Variants in DAB1 observed in about 807,000 individuals in gnomAD.
The protein encoded by DAB1 is DAB adaptor protein 1, also known as disabled homolog 1.
In DAB1, 15 loss-of-function variants were observed where a neutral mutation model predicts 64.6. The ratio of observed to expected loss-of-function variants is 0.23; its 90% confidence interval spans 0.16 to 0.36. DAB1 has a LOEUF of 0.36. DAB1 is among the 10% of genes least tolerant of loss of function. The pLI is 1.00. For missense variants in DAB1, 596 were observed against 706.7 expected (o/e 0.84, Z 1.78); for synonymous variants, 235 against 251.9 (o/e 0.93, Z 0.64).
intron 5 of DAB1, chr1:58,049,012 A>G: frequency 2.5e-6 from 2 of 801,220 alleles, no homozygotes; most frequent in Non-Finnish European, 4.4e-6. Flanking sequence ...GTCTTTGGGA[A>G]TCTTCTCTTG....
chr1:58,023,144 C>T (rs901014845), intron 5 of DAB1, among the ~76,000 whole-genome samples: 8 of 151,960 alleles, frequency 5.3e-5, no homozygotes, highest in African/African-American at 1.7e-4. Flanking sequence ...ATTTATCGTG[C>T]TCTAAGATGC....
chr1:57,974,365 C>T (rs1285515608), intron 5 of DAB1, among the ~76,000 whole-genome samples: 1 of 152,108 alleles, frequency 6.6e-6, no homozygotes, highest in Non-Finnish European at 1.5e-5. Flanking sequence ...AATAAAAGTG[C>T]CATGAAAGCA....
rs550070918 is a variant in DAB1, at chr1:57,930,591, T to C, written n.388-46429A>G. 2.5e-3 allele frequency among the ~76,000 whole-genome samples: 379 copies of C among 152,308 alleles called. 2 individuals carry two copies. Among genetic ancestry groups the C allele is most frequent in the African/African-American group, 8.7e-3 (363 of 41,574 alleles). ...AGTTTTTCTTATATAGATTTTGTTA[T>C]TTTTTGTCAGATTTACAACTAAGTA... On this transcript the variant is annotated intron_variant and non_coding_transcript_variant, in intron 5 of 20. Coordinates refer to the DAB1 transcript ENST00000485760.
rs1219607952 is a variant in DAB1, at chr1:57,553,463, A to G, written n.625+96129T>C. Among the ~76,000 whole-genome samples the G allele has an allele frequency of 8.8e-4, 102 of 116,240 alleles. 1 individual carries two copies. Among genetic ancestry groups the G allele is most frequent in the African/African-American group, 1.6e-3 (50 of 30,984 alleles). The allele number at this position is 116,240 out of a possible 152,430, so 76.3% of individuals were successfully genotyped here. Reference sequence around the variant, plus strand: ...GAAAGAGAAAGAAAGAAAGAAAGAGAAAGGGAAAGAAAGGAAGGAAGGAAG... The same window carrying G: ...GAAAGAGAAAGAAAGAAAGAAAGAGGAAGGGAAAGAAAGGAAGGAAGGAAG... On this transcript the variant is annotated intron_variant and non_coding_transcript_variant, in intron 7 of 20. Coordinates refer to the DAB1 transcript ENST00000485760.
At chr1:57,010,057 A>T (rs1478578574) in intron 14 of DAB1, among the ~76,000 whole-genome samples, 2 of 152,228 alleles carry the variant, frequency 1.3e-5, no homozygotes, top group South Asian at 4.2e-4. Flanking sequence ...GCTTCCTCTG[A>T]TCTTACATCT....
chr1:58,165,441 G>C (rs942169218), intron 4 of DAB1, among the ~76,000 whole-genome samples: 7 of 152,126 alleles, frequency 4.6e-5, no homozygotes, highest in Non-Finnish European at 1.0e-4. Context: ...TCTGCAAAAG[G>C]AGGCTCTCTT....
intron 4 of DAB1, among the ~76,000 whole-genome samples, chr1:58,252,644 CA>C (rs894094729): frequency 7.8e-4 from 119 of 152,264 alleles, no homozygotes; most frequent in African/African-American, 2.8e-3. Flanking sequence ...ACTGCTACCA[CA>C]GAAACTCAAT....
intron 6 of DAB1, among the ~76,000 whole-genome samples, chr1:57,752,612 T>C (rs1306951694): frequency 6.6e-6 from 1 of 152,136 alleles, no homozygotes; most frequent in Non-Finnish European, 1.5e-5. Flanking sequence ...ACAGGCCAAT[T>C]TGTCATCAGT....
chr1:57,069,458 G>A, intron 7 of DAB1, 33 bp from the exon 8 acceptor site: 1 of 1,576,914 alleles, frequency 6.3e-7, no homozygotes, highest in Non-Finnish European at 8.7e-7. Flanking sequence ...GGAAAGGTCA[G>A]AGGTGAAAAA....
chr1:57,154,836 T>A (rs1459021217), intron 2 of DAB1, among the ~76,000 whole-genome samples: 1 of 152,236 alleles, frequency 6.6e-6, no homozygotes, highest in East Asian at 1.9e-4. Flanking sequence ...GCCATTTGAA[T>A]GTCTTCTTTT....
At chr1:57,493,643 C>G (rs934011212) in intron 7 of DAB1, among the ~76,000 whole-genome samples, 4 of 152,028 alleles carry the variant, frequency 2.6e-5, no homozygotes, top group African/African-American at 9.7e-5. Context: ...CTATTCCCAC[C>G]ACCCAGTACT....
chr1:57,964,597 T>C (rs2100285326), intron 5 of DAB1, among the ~76,000 whole-genome samples: 1 of 152,324 alleles, frequency 6.6e-6, no homozygotes, highest in Middle Eastern at 3.4e-3. Flanking sequence ...GTTTCCAGCA[T>C]AGATTTGACA....
chr1:57,486,688 TA>T (rs573131990), intron 7 of DAB1, among the ~76,000 whole-genome samples: 1 of 152,162 alleles, frequency 6.6e-6, no homozygotes, highest in East Asian at 1.9e-4. Flanking sequence ...TAAATGATGG[TA>T]AAACCCTCAG....
At chr1:58,078,688 G>A (rs977352417) in intron 5 of DAB1, among the ~76,000 whole-genome samples, 14 of 152,104 alleles carry the variant, frequency 9.2e-5, no homozygotes, top group Non-Finnish European at 1.8e-4. Flanking sequence ...GTTTCCACAC[G>A]TGTTAATTTT....
intron 2 of DAB1, among the ~76,000 whole-genome samples, chr1:57,252,676 T>C (rs187228256): frequency 1.3e-5 from 2 of 152,162 alleles, no homozygotes; most frequent in East Asian, 3.9e-4. Context: ...AAAATAAATA[T>C]AGATGATTTG....
intron 4 of DAB1, among the ~76,000 whole-genome samples, chr1:58,288,965 G>A (rs1332109849): frequency 6.6e-6 from 1 of 152,158 alleles, no homozygotes; most frequent in African/African-American, 2.4e-5. Flanking sequence ...AACTGGCTCT[G>A]TCAGTCCCAG....
chr1:58,253,402 T>C (rs994625031), intron 4 of DAB1, among the ~76,000 whole-genome samples: 1 of 152,210 alleles, frequency 6.6e-6, no homozygotes, highest in Non-Finnish European at 1.5e-5. Context: ...CATTTGCCAA[T>C]TTCCTGAGTG....
chr1:57,635,875 C>T (rs1646046544), intron 7 of DAB1, among the ~76,000 whole-genome samples: 1 of 151,766 alleles, frequency 6.6e-6, no homozygotes. Context: ...GCGGGCAGAT[C>T]ACGAGGTCAG....
At chr1:58,388,969 G>A (rs570055237) in intron 3 of DAB1, among the ~76,000 whole-genome samples, 67 of 152,272 alleles carry the variant, frequency 4.4e-4, no homozygotes, top group African/African-American at 1.4e-3. Flanking sequence ...AAGGAGTTCC[G>A]AATGAAAAAG....
Sources: allele counts gnomAD v4.1 joint callset (sites outside exome capture counted in the v4.1 genomes callset), GRCh38; gene constraint gnomAD v4.1.1; transcripts MANE v1.5; gene names NCBI Gene and HGNC (gene_info 2026-07-23, HGNC 2026-07-21).